DPP3: variants seen among roughly 807,000 people sequenced by gnomAD.
DPP3 encodes dipeptidyl peptidase 3.
DPP3 carries 64 observed loss-of-function variants against 89.8 expected under a neutral mutation model. The ratio of observed to expected loss-of-function variants is 0.71; its 90% CI spans 0.58 to 0.88. The LOEUF (loss-of-function observed/expected upper bound fraction) is 0.88, where lower values mean the gene tolerates loss of function less well. DPP3 is among the 40% of genes least tolerant of loss of function. DPP3 has a pLI of 0.00. For missense variants in DPP3, 835 were observed against 972.5 expected, an observed-to-expected ratio of 0.86 and a Z score of 1.88; for synonymous variants, 377 against 404.3, an observed-to-expected ratio of 0.93 and a Z score of 0.81.
chr11:66,491,902 A>G, intron 9 of DPP3, 146 bp downstream of exon 9: 1 of 895,664 alleles, frequency 1.1e-6, no homozygotes, highest in Non-Finnish European at 1.8e-6. Context: ...CACCGTTTAC[A>G]ATGTATTGGG....
At chr11:66,499,363 C>CA (rs374154176) in intron 16 of DPP3, among the ~76,000 whole-genome samples, 1,525 of 140,574 alleles carry the variant, frequency 0.011, 27 homozygotes, top group African/African-American at 0.037. Flanking sequence ...AACTCCGCCT[C>CA]AAAAAAAAAA....
At chr11:66,505,407 C>T (rs975008551) in intron 17 of DPP3, among the ~76,000 whole-genome samples, 5 of 152,200 alleles carry the variant, frequency 3.3e-5, no homozygotes, top group African/African-American at 1.2e-4. Context: ...AGAGCACCAG[C>T]TTCAGAACCA....
At chr11:66,498,871 A>C (rs1187734780) in intron 16 of DPP3, among the ~76,000 whole-genome samples, 3 of 152,082 alleles carry the variant, frequency 2.0e-5, no homozygotes. Flanking sequence ...AAAATAGCCA[A>C]GTGTGGTGAT....
chr11:66,488,046 G>A, intron 6 of DPP3, 39 bp downstream of exon 6: 5 of 1,590,176 alleles, frequency 3.1e-6, no homozygotes, highest in Non-Finnish European at 4.3e-6. Context: ...CTCCCTCCTG[G>A]GCATTTCCGG....
chr11:66,482,447 G>T lies in DPP3; in HGVS notation c.247G>T (p.Gly83Cys). The T allele has an allele frequency of 6.2e-7, 1 of 1,606,906 alleles. No homozygotes were observed. The change falls in exon 2 of 18, where the codon GGC (glycine) becomes TGC (cysteine). Residue 83 changes from glycine to cysteine, a missense_variant. Coordinates refer to ENST00000531863, the MANE Select transcript of DPP3 (RefSeq NM_130443.4). ...DQLRQHALAEGLTEEEYQAFL... is the reference protein window; with the variant it reads ...DQLRQHALAECLTEEEYQAFL... Reference sequence around the variant, plus strand: ...GCTGCGCCAACATGCCCTGGCTGAAGGCCTTACCGAGGAGGAGTATCAGGT... The same window carrying T: ...GCTGCGCCAACATGCCCTGGCTGAATGCCTTACCGAGGAGGAGTATCAGGT...
At chr11:66,504,182 T>A (rs1383543425) in intron 16 of DPP3, among the ~76,000 whole-genome samples, 1 of 141,838 alleles carries the variant, frequency 7.1e-6, no homozygotes, top group Non-Finnish European at 1.6e-5. Context: ...ACCAGGCTGG[T>A]CTCAAACTCA....
At position 66,491,368 on chromosome 11, in the gene DPP3, G is replaced by A; in HGVS notation, c.783G>A (p.Gln261=). The A allele has an allele frequency of 6.2e-7, 1 of 1,613,778 alleles. No individual in the cohort carries two copies. Among genetic ancestry groups the A allele is most frequent in the Non-Finnish European group, 8.5e-7 (1 of 1,179,828 alleles). Residue 261 remains glutamine (Q), a synonymous_variant, in exon 7 of 18, where the codon CAG becomes CAA. Coordinates refer to ENST00000531863, the MANE Select transcript of DPP3 (RefSeq NM_130443.4). ...CCATCCTCCAGAAGGTGGTGGAGCA[G>A]CTGGAGAAAGCCAAGGTTGGACTGG... ...YAPILQKVVE[Q]LEKAKAYAAN...
At chr11:66,482,572 A>T in intron 2 of DPP3, 102 bp downstream of exon 2, 1 of 1,491,106 alleles carries the variant, frequency 6.7e-7, no homozygotes, top group Non-Finnish European at 9.0e-7. Context: ...GGAGGATTAG[A>T]CCAAAGGTTA....
intron 6 of DPP3, among the ~76,000 whole-genome samples, chr11:66,489,586 G>C (rs1475248742): frequency 1.3e-5 from 2 of 152,324 alleles, no homozygotes; most frequent in Non-Finnish European, 2.9e-5. Context: ...CTGCCCGAGT[G>C]GGTCATAATC....
intron 16 of DPP3, among the ~76,000 whole-genome samples, chr11:66,498,672 A>G (rs969874644): frequency 3.9e-5 from 6 of 152,240 alleles, no homozygotes; most frequent in African/African-American, 1.4e-4. Context: ...GCCATAAGAT[A>G]TATGGCTGAG....
chr11:66,493,305 A>G (rs1855446684), intron 11 of DPP3, 126 bp downstream of exon 11: 6 of 892,280 alleles, frequency 6.7e-6, no homozygotes, highest in Non-Finnish European at 1.0e-5. Context: ...CCACTTCCCA[A>G]CCATGTGACC....
chr11:66,501,109 A>T (rs1042367167), intron 16 of DPP3, among the ~76,000 whole-genome samples: 1 of 151,606 alleles, frequency 6.6e-6, no homozygotes, highest in African/African-American at 2.4e-5. Context: ...AATCGCTTGA[A>T]CCAGGAGGTG....
intron 16 of DPP3, among the ~76,000 whole-genome samples, chr11:66,504,351 G>C (rs1227617215): frequency 6.6e-6 from 1 of 152,002 alleles, no homozygotes; most frequent in East Asian, 1.9e-4. Context: ...TCCTCCCAAG[G>C]TACTAAGATT....
At chr11:66,505,580 A>G (rs1389012987) in intron 17 of DPP3, among the ~76,000 whole-genome samples, 1 of 152,198 alleles carries the variant, frequency 6.6e-6, no homozygotes, top group Non-Finnish European at 1.5e-5. Context: ...CAGTAGCCCA[A>G]TAAGGTAGGT....
At chr11:66,482,571 G>C in intron 2 of DPP3, 101 bp downstream of exon 2, 1 of 1,499,846 alleles carries the variant, frequency 6.7e-7, no homozygotes, top group Non-Finnish European at 8.9e-7. Context: ...TGGAGGATTA[G>C]ACCAAAGGTT....
rs577731291 is a variant in DPP3, at chr11:66,482,405, G to A, written c.205G>A (p.Ala69Thr). ...TGCTCTGCTCAGCCGCCTCTTCCGC[G>A]CCCAGGACCCCGACCAGCTGCGCCA... ...IYALLSRLFR[A>T]QDPDQLRQHA... The change falls in exon 2 of 18, where the codon GCC becomes ACC. Residue 69 changes from alanine (A) to threonine (T), a missense_variant. Transcript: ENST00000531863. 30 of 1,610,494 alleles carry A rather than the reference G, an allele frequency of 1.9e-5. No homozygotes were observed. The highest frequency in any genetic ancestry group is 5.5e-5 in the South Asian group (5 of 91,088).
intron 16 of DPP3, among the ~76,000 whole-genome samples, chr11:66,497,763 C>T (rs1176729534): frequency 1.3e-5 from 2 of 151,922 alleles, no homozygotes; most frequent in Non-Finnish European, 2.9e-5. Flanking sequence ...TGGTAGTGCG[C>T]ACCTGTAGTT....
intron 13 of DPP3, 46 bp from the exon 14 acceptor site, chr11:66,495,319 T>G (rs1855504321): frequency 1.2e-6 from 2 of 1,613,622 alleles, no homozygotes; most frequent in Non-Finnish European, 1.7e-6. Flanking sequence ...TGGGCACAGG[T>G]GGGGCAGTGG....
At chr11:66,500,381 T>G (rs1810434276) in intron 16 of DPP3, among the ~76,000 whole-genome samples, 1 of 151,986 alleles carries the variant, frequency 6.6e-6, no homozygotes, top group African/African-American at 2.4e-5. Flanking sequence ...GAAACTTTTT[T>G]TAAAAAAGTG....
Sources: allele counts gnomAD v4.1 joint callset (sites outside exome capture counted in the v4.1 genomes callset), GRCh38; gene constraint gnomAD v4.1.1; transcripts MANE v1.5; gene names NCBI Gene and HGNC (gene_info 2026-07-23, HGNC 2026-07-21).